The following ROBO2 variants were observed in gnomAD, a reference collection of about 807,000 sequenced individuals.
The protein encoded by ROBO2 is roundabout homolog 2.
Under a neutral mutation model 160.8 loss-of-function variants are expected in ROBO2, and 53 were observed. That is an observed-to-expected ratio of 0.33 (90% CI 0.26 to 0.41). The LOEUF is 0.41. Among genes scored for constraint, ROBO2 ranks in the 10% least tolerant of loss-of-function variants. ROBO2 has a pLI of 1.00. For synonymous variants in ROBO2, 664 were observed against 611.7 expected, an observed-to-expected ratio of 1.09 and a Z score of -1.26; for missense variants, 1,577 against 1,722.4, an observed-to-expected ratio of 0.92 and a Z score of 1.49.
At chr3:76,657,686 G>A (rs13322558) in intron 2 of ROBO2, among the ~76,000 whole-genome samples, 1,154 of 114,216 alleles carry the variant, frequency 0.01, 12 homozygotes, top group African/African-American at 0.014. Context: ...ATACATATAT[G>A]TGTGTATATA....
At chr3:77,472,593 C>T (rs1178679492) in intron 2 of ROBO2, among the ~76,000 whole-genome samples, 2 of 152,070 alleles carry the variant, frequency 1.3e-5, no homozygotes, top group East Asian at 1.9e-4. Flanking sequence ...AGTGAATATT[C>T]GGGTTCTAGC....
intron 2 of ROBO2, among the ~76,000 whole-genome samples, chr3:76,124,873 A>C (rs186934349): frequency 6.6e-6 from 1 of 152,180 alleles, no homozygotes; most frequent in South Asian, 2.1e-4. Context: ...TTTCAGATAC[A>C]GAGGGTACAT....
intron 2 of ROBO2, among the ~76,000 whole-genome samples, chr3:76,376,981 C>T (rs1185741354): frequency 6.6e-6 from 1 of 152,122 alleles, no homozygotes; most frequent in Non-Finnish European, 1.5e-5. Context: ...TTCTGTTGTG[C>T]ATGCTTGGGC....
chr3:76,800,372 G>A (rs2064106021), intron 2 of ROBO2, among the ~76,000 whole-genome samples: 1 of 152,114 alleles, frequency 6.6e-6, no homozygotes, highest in African/African-American at 2.4e-5. Flanking sequence ...GGCTGAATGG[G>A]ATCACATCAA....
chr3:76,102,757 G>C (rs1162614879), intron 2 of ROBO2, among the ~76,000 whole-genome samples: 2 of 151,776 alleles, frequency 1.3e-5, no homozygotes, highest in Non-Finnish European at 2.9e-5. Flanking sequence ...TAAGAGTGTA[G>C]ACAAATCTCT....
chr3:75,998,545 T>C (rs2065793597), intron 2 of ROBO2, among the ~76,000 whole-genome samples: 2 of 152,208 alleles, frequency 1.3e-5, no homozygotes, highest in Non-Finnish European at 2.9e-5. Flanking sequence ...AAAGCTAAGA[T>C]AAATTTTAAG....
At chr3:77,052,152 A>G (rs560981461) in intron 1 of ROBO2, among the ~76,000 whole-genome samples, 13 of 152,332 alleles carry the variant, frequency 8.5e-5, no homozygotes, top group Non-Finnish European at 1.8e-4. Flanking sequence ...CAGTAAAACT[A>G]AAGAGTGTAT....
At chr3:76,072,979 C>G (rs769611701) in intron 2 of ROBO2, among the ~76,000 whole-genome samples, 7 of 152,264 alleles carry the variant, frequency 4.6e-5, no homozygotes, top group Admixed American at 3.3e-4. Flanking sequence ...CATTCTTACA[C>G]TTTGGCACAT....
intron 2 of ROBO2, among the ~76,000 whole-genome samples, chr3:76,230,597 A>G (rs573736995): frequency 6.6e-6 from 1 of 151,658 alleles, no homozygotes; most frequent in East Asian, 2.0e-4. Context: ...ATTTTTCCTC[A>G]TCTTCTTTCC....
At chr3:75,956,199 C>G (rs1441306941) in intron 2 of ROBO2, among the ~76,000 whole-genome samples, 15 of 151,744 alleles carry the variant, frequency 9.9e-5, no homozygotes, top group African/African-American at 3.6e-4. Context: ...TAATTTTTGT[C>G]TTGAAATGAT....
chr3:77,413,830 T>C (rs1379236404), intron 2 of ROBO2, among the ~76,000 whole-genome samples: 1 of 152,172 alleles, frequency 6.6e-6, no homozygotes, highest in South Asian at 2.1e-4. Flanking sequence ...CAAATGTTAA[T>C]GGACAAGTAA....
chr3:76,766,060 A>G (rs942961472), intron 2 of ROBO2, among the ~76,000 whole-genome samples: 1 of 151,602 alleles, frequency 6.6e-6, no homozygotes, highest in African/African-American at 2.4e-5. Flanking sequence ...ACTTTTATCT[A>G]CCTAGTCACA....
At chr3:76,396,723 A>T (rs1353224410) in intron 2 of ROBO2, among the ~76,000 whole-genome samples, 3 of 152,186 alleles carry the variant, frequency 2.0e-5, no homozygotes, top group Non-Finnish European at 2.9e-5. Context: ...CCCATTCACA[A>T]TTGCTTCAAA....
At chr3:76,297,238 A>G (rs1437737665) in intron 2 of ROBO2, among the ~76,000 whole-genome samples, 1 of 152,180 alleles carries the variant, frequency 6.6e-6, no homozygotes, top group African/African-American at 2.4e-5. Flanking sequence ...AAACAACCAC[A>G]TACTTTCAAG....
intron 2 of ROBO2, among the ~76,000 whole-genome samples, chr3:77,189,584 T>C (rs1162194641): frequency 6.6e-6 from 1 of 151,962 alleles, no homozygotes; most frequent in East Asian, 1.9e-4. Flanking sequence ...GAGTTTATTC[T>C]CAATATTGTA....
intron 2 of ROBO2, among the ~76,000 whole-genome samples, chr3:77,020,797 A>C (rs922402048): frequency 6.6e-6 from 1 of 152,222 alleles, no homozygotes; most frequent in African/African-American, 2.4e-5. Flanking sequence ...TGTTTCTTGA[A>C]TAGTAAGATA....
At chr3:77,500,063 C>G (rs12107275) in intron 5 of ROBO2, among the ~76,000 whole-genome samples, 2,701 of 152,264 alleles carry the variant, frequency 0.018, 76 homozygotes, top group African/African-American at 0.06. Flanking sequence ...TTGTGTGCCA[C>G]CTCCAGTGCA....
intron 2 of ROBO2, among the ~76,000 whole-genome samples, chr3:76,221,255 G>A (rs145791314): frequency 6.6e-6 from 1 of 152,044 alleles, no homozygotes; most frequent in African/African-American, 2.4e-5. Flanking sequence ...TCAGGGTGAT[G>A]GTGAGTAGTG....
At chr3:76,875,251 C>T (rs979230423) in intron 2 of ROBO2, among the ~76,000 whole-genome samples, 13 of 152,154 alleles carry the variant, frequency 8.5e-5, no homozygotes, top group Middle Eastern at 3.2e-3. Context: ...CCAAACGTGC[C>T]AGTGCCTTGA....
Sources: allele counts gnomAD v4.1 joint callset (sites outside exome capture counted in the v4.1 genomes callset), GRCh38; gene constraint gnomAD v4.1.1; transcripts MANE v1.5; gene names NCBI Gene and HGNC (gene_info 2026-07-23, HGNC 2026-07-21).